BEND3: variants seen among roughly 807,000 people sequenced by gnomAD.
The protein encoded by BEND3 is BEN domain containing 3, also known as BEN domain-containing protein 3.
Under a neutral mutation model 60.1 loss-of-function variants are expected in BEND3, and 13 were observed. The ratio of observed to expected loss-of-function variants is 0.22; its 90% confidence interval spans 0.14 to 0.34. The LOEUF is 0.34. Among genes scored for constraint, BEND3 ranks in the 10% least tolerant of loss-of-function variants. The probability of loss-of-function intolerance (pLI) is 1.00; values close to 1 mark genes in which losing one functional copy is unlikely to be tolerated. For missense variants in BEND3, 896 were observed against 1,138.1 expected (o/e 0.79, Z 3.06); for synonymous variants, 497 against 491.5 (o/e 1.01, Z -0.15).
intron 3 of BEND3, among the ~76,000 whole-genome samples, chr6:107,096,266 G>GC (rs1775583079): frequency 6.6e-6 from 1 of 152,136 alleles, no homozygotes; most frequent in African/African-American, 2.4e-5. Flanking sequence ...AAAACATTAT[G>GC]CTAAGAAGCC....
intron 3 of BEND3, among the ~76,000 whole-genome samples, chr6:107,079,825 G>C (rs1775186128): frequency 6.6e-6 from 1 of 152,088 alleles, no homozygotes; most frequent in Non-Finnish European, 1.5e-5. Flanking sequence ...TTATGGATTA[G>C]ATGGAATAAG....
At chr6:107,077,635 C>A (rs1554232921) in intron 3 of BEND3, among the ~76,000 whole-genome samples, 1 of 152,166 alleles carries the variant, frequency 6.6e-6, no homozygotes, top group Non-Finnish European at 1.5e-5. Flanking sequence ...GAAGACCTAG[C>A]AAGATATGAG....
chr6:107,090,061 T>C (rs782750632), intron 3 of BEND3, among the ~76,000 whole-genome samples: 1 of 151,988 alleles, frequency 6.6e-6, no homozygotes, highest in Middle Eastern at 3.2e-3. Context: ...TAAATTATAC[T>C]ACAGAGGCCA....
chr6:107,100,937 C>T (rs1003723956), intron 1 of BEND3, among the ~76,000 whole-genome samples: 8 of 152,106 alleles, frequency 5.3e-5, no homozygotes, highest in Admixed American at 1.3e-4. Context: ...AATGGTGGCT[C>T]GTGCCTGTAA....
At chr6:107,111,528 G>A (rs1762687) in intron 1 of BEND3, among the ~76,000 whole-genome samples, 150,161 of 151,900 alleles carry the variant, frequency 0.99, 74,237 homozygotes, top group Middle Eastern at 1. Context: ...AAAAAAGAGA[G>A]AGATAACACA....
chr6:107,077,683 A>C (rs1264381787), intron 3 of BEND3, among the ~76,000 whole-genome samples: 1 of 152,186 alleles, frequency 6.6e-6, no homozygotes. Flanking sequence ...CAAATATCCC[A>C]GTATCCCACC....
chr6:107,083,945 A>G (rs1214696737), intron 3 of BEND3, among the ~76,000 whole-genome samples: 1 of 152,224 alleles, frequency 6.6e-6, no homozygotes, highest in Non-Finnish European at 1.5e-5. Flanking sequence ...CATCTCTACA[A>G]TGGAATATTA....
chr6:107,079,688 G>T (rs1418990003), intron 3 of BEND3, among the ~76,000 whole-genome samples: 2 of 152,292 alleles, frequency 1.3e-5, no homozygotes, highest in Middle Eastern at 3.4e-3. Context: ...GAAAGTGACA[G>T]TGTCTTCCCA....
At chr6:107,088,939 A>T (rs1554234734) in intron 3 of BEND3, among the ~76,000 whole-genome samples, 1 of 152,170 alleles carries the variant, frequency 6.6e-6, no homozygotes, top group African/African-American at 2.4e-5. Flanking sequence ...TGAGGTCAGG[A>T]TCTGGAGACC....
At chr6:107,100,308 T>A (rs1347615154) in intron 1 of BEND3, among the ~76,000 whole-genome samples, 1 of 152,170 alleles carries the variant, frequency 6.6e-6, no homozygotes, top group Non-Finnish European at 1.5e-5. Flanking sequence ...AGTGGCGCAA[T>A]CTTGGCTCAC....
chr6:107,112,592 G>A lies in BEND3; in HGVS notation c.-12+2498C>T, dbSNP rs59376332. ...AAAAACGCTGGGCGTGGTGGTACAC[G>A]TCTGTAATCCCAGCACTTTGGGAGG... On this transcript the variant is annotated intron_variant, in intron 1 of 3. Transcript: ENST00000369042. 2.3e-3 allele frequency among the ~76,000 whole-genome samples: 346 copies of A among 152,238 alleles called. 2 individuals are homozygous for A. The highest frequency in any genetic ancestry group is 8.1e-3 in the African/African-American group (338 of 41,538).
At chr6:107,094,451 GTC>G in intron 3 of BEND3, among the ~76,000 whole-genome samples, 1 of 151,902 alleles carries the variant, frequency 6.6e-6, no homozygotes, top group South Asian at 2.1e-4. Context: ...GAGAAACCCC[GTC>G]TCTGCTTAAA....
At chr6:107,102,662 C>T (rs1190531125) in intron 1 of BEND3, among the ~76,000 whole-genome samples, 2 of 152,214 alleles carry the variant, frequency 1.3e-5, no homozygotes, top group African/African-American at 4.8e-5. Context: ...TCCCTCCGGG[C>T]CAGCAAATCA....
chr6:107,098,717 G>A lies in BEND3; in HGVS notation c.74C>T (p.Ala25Val). ...KSITVKVETEAEDAALDCSVN... is the reference protein window; with the variant it reads ...KSITVKVETEVEDAALDCSVN... The stretch of plus-strand genomic sequence containing the variant: ...GGAGCAGTCCAGAGCAGCATCTTCA[G>A]CCTCTGTCTCCACTTTCACAGTGAT... The change falls in exon 3 of 4, where the codon GCT becomes GTT. Residue 25 changes from alanine to valine, a missense_variant. By Grantham distance (64) the Ala-to-Val change is moderately conservative. Around this residue, in one of 4 missense-constraint regions of BEND3, gnomAD observed 846 missense variants for 1,036.7 expected, o/e 0.82. Transcript: ENST00000369042. 6.2e-7 allele frequency: 1 copy of A among 1,614,104 alleles called. No individual in the cohort carries two copies. Among genetic ancestry groups the A allele is most frequent in the Non-Finnish European group, 8.5e-7 (1 of 1,180,028 alleles).
chr6:107,067,112 G>A lies in BEND3; in HGVS notation c.*1592C>T, dbSNP rs1451286467. 6.6e-6 allele frequency: 1 copy of A among 152,184 alleles called. No individual in the cohort carries two copies. The highest frequency in any genetic ancestry group is 6.5e-5 in the Admixed American group (1 of 15,270). 9.4% of individuals were successfully genotyped at this position (152,184 alleles called of 1,614,324 possible). On this transcript the variant is annotated 3_prime_UTR_variant, in exon 4 of 4. Coordinates refer to ENST00000369042, the MANE Select transcript of BEND3 (RefSeq NM_001367314.1). ...TTTAAAATCCTGTATTTTAAAAAAT[G>A]CTCCTGGGTACAGGCAAAATTATGT...
At chr6:107,106,936 C>CT (rs35443143) in intron 1 of BEND3, among the ~76,000 whole-genome samples, 1,878 of 128,506 alleles carry the variant, frequency 0.015, 45 homozygotes, top group African/African-American at 0.041. Flanking sequence ...TCAAAGAGGG[C>CT]TTTTTTTTTT....
chr6:107,115,154 G>A lies in BEND3; in HGVS notation c.-76C>T, dbSNP rs1228974486. 2 of 150,242 alleles carry A rather than the reference G, an allele frequency of 1.3e-5. No homozygotes were observed. The highest frequency in any genetic ancestry group is 6.6e-5 in the Admixed American group (1 of 15,064). The allele number at this position is 150,242 out of a possible 1,614,324, so 9.3% of individuals were successfully genotyped here. A position where few individuals can be genotyped will look rare whatever the true frequency, so the allele number is the denominator to read the frequency against. On this transcript the variant is annotated 5_prime_UTR_variant, in exon 1 of 4. Coordinates refer to ENST00000369042, the MANE Select transcript of BEND3 (RefSeq NM_001367314.1). ...CCGAGTTTGGGCGCCACGTGGGGGG[G>A]AGGGCGCGGGGCCGGGGAGTGGGGG...
chr6:107,091,921 T>C (rs1775484804), intron 3 of BEND3, among the ~76,000 whole-genome samples: 1 of 152,048 alleles, frequency 6.6e-6, no homozygotes, highest in African/African-American at 2.4e-5. Flanking sequence ...AGGAGACTGA[T>C]TTGAGTCGTA....
intron 1 of BEND3, among the ~76,000 whole-genome samples, chr6:107,103,959 AAAAG>A (rs377110388): frequency 0.59 from 63,144 of 106,826 alleles, 15,536 homozygotes; most frequent in African/African-American, 0.66. Flanking sequence ...AAAAAAAAAA[AAAAG>A]AAAGAAAGAA....
Sources: allele counts gnomAD v4.1 joint callset (sites outside exome capture counted in the v4.1 genomes callset), GRCh38; gene constraint gnomAD v4.1.1; regional missense constraint gnomAD v4.1.1; transcripts MANE v1.5; gene names NCBI Gene and HGNC (gene_info 2026-07-23, HGNC 2026-07-21).